Variants in GRIN2B observed in about 807,000 individuals in gnomAD.
The protein encoded by GRIN2B is glutamate ionotropic receptor NMDA type subunit 2B.
Under a neutral mutation model 114.5 loss-of-function variants are expected in GRIN2B, and 5 were observed. The ratio of observed to expected loss-of-function variants is 0.04; its 90% CI spans 0.02 to 0.09. The LOEUF is 0.09. Ranked by LOEUF, GRIN2B falls within the 10% of genes least tolerant of loss-of-function variation. The probability of loss-of-function intolerance (pLI) is 1.00; values close to 1 mark genes in which losing one functional copy is unlikely to be tolerated. For missense variants in GRIN2B, 1,108 were observed against 1,943.5 expected, an observed-to-expected ratio of 0.57 and a Z score of 8.08; for synonymous variants, 787 against 745.1, an observed-to-expected ratio of 1.06 and a Z score of -0.92.
chr12:13,871,181 A>G (rs1337832013), intron 2 of GRIN2B, among the ~76,000 whole-genome samples: 8 of 152,148 alleles, frequency 5.3e-5, no homozygotes, highest in Admixed American at 5.2e-4. Context: ...ATAAGTTCGA[A>G]CTAGTTCAGA....
chr12:13,659,187 A>C (rs1399996396), intron 5 of GRIN2B, among the ~76,000 whole-genome samples: 1 of 152,112 alleles, frequency 6.6e-6, no homozygotes, highest in African/African-American at 2.4e-5. Flanking sequence ...GAAATCCTAA[A>C]ATTGAACCCA....
At chr12:13,710,925 T>C (rs1321817410) in intron 4 of GRIN2B, among the ~76,000 whole-genome samples, 1 of 151,938 alleles carries the variant, frequency 6.6e-6, no homozygotes, top group Non-Finnish European at 1.5e-5. Flanking sequence ...GCCAAGTCAA[T>C]CCTAAGCCAA....
intron 4 of GRIN2B, among the ~76,000 whole-genome samples, chr12:13,679,549 A>G (rs1950109057): frequency 6.6e-6 from 1 of 152,176 alleles, no homozygotes; most frequent in African/African-American, 2.4e-5. Context: ...TATCAAAAAC[A>G]TTAGTAAAAT....
intron 3 of GRIN2B, among the ~76,000 whole-genome samples, chr12:13,858,733 G>A (rs564945644): frequency 8.8e-4 from 134 of 151,988 alleles, no homozygotes; most frequent in African/African-American, 3.0e-3. Context: ...ATTTTATTCC[G>A]TTATGTTTTT....
At chr12:13,701,909 G>A (rs1172093177) in intron 4 of GRIN2B, among the ~76,000 whole-genome samples, 2 of 152,170 alleles carry the variant, frequency 1.3e-5, no homozygotes, top group Admixed American at 6.5e-5. Context: ...ATCCTTGAAG[G>A]CCTGTTGAAA....
chr12:13,814,558 C>T (rs1864784417), intron 3 of GRIN2B, among the ~76,000 whole-genome samples: 1 of 152,200 alleles, frequency 6.6e-6, no homozygotes, highest in South Asian at 2.1e-4. Flanking sequence ...ACATTTTCTC[C>T]ACCATTACAG....
chr12:13,919,519 C>G (rs1866788905), intron 2 of GRIN2B, among the ~76,000 whole-genome samples: 1 of 152,084 alleles, frequency 6.6e-6, no homozygotes, highest in Admixed American at 6.6e-5. Context: ...ATGAAAGATT[C>G]CAGGTAGAGA....
intron 4 of GRIN2B, among the ~76,000 whole-genome samples, chr12:13,676,549 T>C (rs1474092144): frequency 2.0e-5 from 3 of 152,012 alleles, no homozygotes; most frequent in Non-Finnish European, 4.4e-5. Context: ...GCCTGGTGCA[T>C]AGTAGAGTCT....
intron 2 of GRIN2B, among the ~76,000 whole-genome samples, chr12:13,900,994 T>C (rs2136787116): frequency 6.6e-6 from 1 of 152,290 alleles, no homozygotes; most frequent in East Asian, 1.9e-4. Flanking sequence ...TGTCTATTCT[T>C]GTCCAAGAAT....
chr12:13,618,274 G>A (rs1949470455), intron 5 of GRIN2B, among the ~76,000 whole-genome samples: 1 of 152,172 alleles, frequency 6.6e-6, no homozygotes, highest in Admixed American at 6.5e-5. Context: ...TGGGGGTCCA[G>A]GACATTGGTC....
intron 3 of GRIN2B, among the ~76,000 whole-genome samples, chr12:13,754,234 C>T (rs549620634): frequency 1.3e-5 from 2 of 152,254 alleles, no homozygotes; most frequent in Admixed American, 6.5e-5. Flanking sequence ...ATTTCTAAAG[C>T]AAAACATATG....
intron 3 of GRIN2B, among the ~76,000 whole-genome samples, chr12:13,768,608 G>T (rs745933134): frequency 6.6e-5 from 10 of 152,230 alleles, no homozygotes; most frequent in Non-Finnish European, 1.5e-4. Flanking sequence ...AGTGGTCTTA[G>T]TTCCTCTCGG....
At position 13,824,320 on chromosome 12, in the gene GRIN2B, A is replaced by C. The variant is rs926589709; in HGVS notation, c.411+41478T>G. On this transcript the variant is annotated intron_variant, in intron 3 of 13. Transcript: ENST00000609686. ...TTCTTTGATATATAAAGAATGACTT[A>C]TTATTTTTTTCTTCTTGAGTTAACT... is the stretch of plus-strand genomic sequence containing the variant. 2.0e-5 allele frequency among the ~76,000 whole-genome samples: 3 copies of C among 152,122 alleles called. No homozygotes were observed. The East Asian group carries it at 5.8e-4, about 29-fold the overall frequency.
At chr12:13,816,575 G>A (rs1428153501) in intron 3 of GRIN2B, among the ~76,000 whole-genome samples, 1 of 152,128 alleles carries the variant, frequency 6.6e-6, no homozygotes, top group Non-Finnish European at 1.5e-5. Context: ...GTGAGCAGCA[G>A]ACCTGGTTTC....
chr12:13,767,493 GTGGATATACACTAGCAA>G (rs1173125182), intron 3 of GRIN2B, among the ~76,000 whole-genome samples: 1 of 152,134 alleles, frequency 6.6e-6, no homozygotes, highest in African/African-American at 2.4e-5. Flanking sequence ...ATGACATTAA[GTGGATATACACTAGCAA>G]TGGCGCCCAT....
At position 13,611,747 on chromosome 12, in the gene GRIN2B, G is replaced by C; in HGVS notation, c.1758C>G (p.Asn586Lys). 6.2e-7 allele frequency: 1 copy of C among 1,613,862 alleles called. No individual in the cohort carries two copies. The highest frequency in any genetic ancestry group is 8.5e-7 in the Non-Finnish European group (1 of 1,179,760). Reference protein sequence around the residue: ...VFEYFSPVGYNRCLADGREPG... With the variant: ...VFEYFSPVGYKRCLADGREPG... Reference sequence around the variant, plus strand: ...TACCTCTGCCATCAGCGAGGCACCTGTTATAACCCACAGGGCTGAAGTACT... The same window carrying C: ...TACCTCTGCCATCAGCGAGGCACCTCTTATAACCCACAGGGCTGAAGTACT... The change falls in exon 9 of 14, where the codon AAC (asparagine) becomes AAG (lysine). Residue 586 changes from asparagine (N) to lysine (K), a missense_variant. This residue lies in a region of GRIN2B where 24 missense variants were observed against 38.1 expected (regional missense o/e 0.63). Coordinates refer to ENST00000609686, the MANE Select transcript of GRIN2B (RefSeq NM_000834.5).
rs921066924 is a variant in GRIN2B, at chr12:13,553,294, T to A, written c.*9489A>T. On this transcript the variant is annotated 3_prime_UTR_variant, in exon 14 of 14. Coordinates refer to ENST00000609686, the MANE Select transcript of GRIN2B (RefSeq NM_000834.5). Reference sequence around the variant, plus strand: ...GTGATGTTGTCTCCCCCTGAGGTAATGAATCCCTTTATATTTACAGAGAAA... The same window carrying A: ...GTGATGTTGTCTCCCCCTGAGGTAAAGAATCCCTTTATATTTACAGAGAAA... The A allele has an allele frequency of 3.3e-5, 5 of 152,210 alleles. No homozygotes were observed. The highest frequency in any genetic ancestry group is 1.2e-4 in the African/African-American group (5 of 41,464). The allele number at this position is 152,210 out of a possible 1,614,324, so 9.4% of individuals were successfully genotyped here. A position where few individuals can be genotyped will look rare whatever the true frequency, so the allele number is the denominator to read the frequency against.
At chr12:13,642,325 T>A (rs540514415) in intron 5 of GRIN2B, among the ~76,000 whole-genome samples, 1 of 152,302 alleles carries the variant, frequency 6.6e-6, no homozygotes, top group African/African-American at 2.4e-5. Context: ...TCCCTGAGAA[T>A]CACTTGTGGG....
At chr12:13,709,729 C>A (rs1950396765) in intron 4 of GRIN2B, among the ~76,000 whole-genome samples, 1 of 151,976 alleles carries the variant, frequency 6.6e-6, no homozygotes. Flanking sequence ...GAAGTCCCGG[C>A]AGGTATTATT....
Sources: gnomAD v4.1 joint callset for allele counts (sites outside exome capture counted in the v4.1 genomes callset) on GRCh38, gnomAD v4.1.1 for gene constraint, gnomAD v4.1.1 regional missense constraint, MANE v1.5 for transcripts, NCBI Gene and HGNC (gene_info 2026-07-23, HGNC 2026-07-21) for gene names.